Variants in RESF1 observed in about 807,000 individuals in gnomAD.
The protein encoded by RESF1 is retroelement silencing factor 1, also known as gonad expressed transcript.
RESF1 carries 65 observed loss-of-function variants against 134.7 expected under a neutral mutation model. The ratio of observed to expected loss-of-function variants is 0.48; its 90% confidence interval spans 0.40 to 0.59. The LOEUF (loss-of-function observed/expected upper bound fraction) is 0.59, where lower values mean the gene tolerates loss of function less well. RESF1 is among the 20% of genes least tolerant of loss of function. The probability of loss-of-function intolerance (pLI) is 0.00; values close to 1 mark genes in which losing one functional copy is unlikely to be tolerated. For synonymous variants in RESF1, 762 were observed against 702.2 expected, an observed-to-expected ratio of 1.09 and a Z score of -1.35; for missense variants, 2,274 against 2,002.7, an observed-to-expected ratio of 1.14 and a Z score of -2.59.
intron 1 of RESF1, 23 bp downstream of exon 1, chr12:31,959,514 G>A (rs945129777): frequency 2.6e-5 from 4 of 152,310 alleles, no homozygotes; most frequent in Admixed American, 1.3e-4. Flanking sequence ...CGAGCACCCC[G>A]AGGTCCCTCC....
At chr12:31,969,369 T>C (rs2120783876) in intron 2 of RESF1, among the ~76,000 whole-genome samples, 1 of 152,308 alleles carries the variant, frequency 6.6e-6, no homozygotes, top group East Asian at 1.9e-4. Context: ...AGCCACACGG[T>C]GGCATTCACC....
In RESF1 at chr12:31,962,115, A is replaced by C. The variant is rs568061723; in HGVS notation, c.-247+1244A>C. 1.1e-4 allele frequency among the ~76,000 whole-genome samples: 17 copies of C among 152,170 alleles called. 1 individual carries two copies. Among genetic ancestry groups the C allele is most frequent in the Middle Eastern group, 6.8e-3 (2 of 294 alleles). ...GTCGGGCGTGGTGGCACATGCCTGT[A>C]ATCCTAGCTACTCAAGTGGCTGAAC... On this transcript the variant is annotated intron_variant, in intron 2 of 5. Coordinates refer to ENST00000312561, the MANE Select transcript of RESF1 (RefSeq NM_018169.4).
At chr12:31,960,985 A>G (rs1939252359) in intron 2 of RESF1, 114 bp downstream of exon 2, 1 of 152,218 alleles carries the variant, frequency 6.6e-6, no homozygotes, top group Non-Finnish European at 1.5e-5. Context: ...GTGAATCAAC[A>G]TCGGTTTTAA....
intron 3 of RESF1, among the ~76,000 whole-genome samples, chr12:31,978,921 A>AT (rs368667477): frequency 0.32 from 41,892 of 129,050 alleles, 6,889 homozygotes; most frequent in East Asian, 0.41. Context: ...TGATCTCATG[A>AT]TTTTTTTTTT....
intron 3 of RESF1, among the ~76,000 whole-genome samples, chr12:31,977,805 T>TC (rs1490820264): frequency 8.6e-5 from 9 of 104,194 alleles, no homozygotes; most frequent in Non-Finnish European, 1.6e-4. Flanking sequence ...TTCTTTCTTT[T>TC]TTTTTTTTTT....
intron 3 of RESF1, among the ~76,000 whole-genome samples, chr12:31,974,001 AAG>A (rs1283178484): frequency 2.0e-5 from 3 of 152,194 alleles, no homozygotes; most frequent in Admixed American, 6.5e-5. Flanking sequence ...ACCTGTTACA[AAG>A]AGGGGATTGT....
intron 3 of RESF1, among the ~76,000 whole-genome samples, chr12:31,975,705 G>A (rs1309260291): frequency 6.6e-6 from 1 of 152,080 alleles, no homozygotes; most frequent in African/African-American, 2.4e-5. Flanking sequence ...GGTTTTGTCT[G>A]TGTTTCAATC....
intron 5 of RESF1, among the ~76,000 whole-genome samples, chr12:31,989,409 A>AAAAAT: frequency 2.0e-5 from 3 of 151,030 alleles, no homozygotes; most frequent in Non-Finnish European, 4.4e-5. Context: ...AAAAAAAAAA[A>AAAAAT]AAAAAATAGG....
Position 31,980,883 on chromosome 12 carries a change from T to C in RESF1, c.-73T>C. On this transcript the variant is annotated 5_prime_UTR_variant, in exon 4 of 6. Transcript: ENST00000312561. ...AATATCTTTATTTCTTACAGATTCC[T>C]GACATTCAGACAACTGACTTGTAAC... 13 of 1,111,118 alleles carry C rather than the reference T, an allele frequency of 1.2e-5. No individual in the cohort carries two copies. The highest frequency in any genetic ancestry group is 1.5e-5 in the Non-Finnish European group (12 of 774,342). The allele number at this position is 1,111,118 out of a possible 1,614,324, so 68.8% of individuals were successfully genotyped here. A position where few individuals can be genotyped will look rare whatever the true frequency, so the allele number is the denominator to read the frequency against.
At chr12:31,986,652 C>T (rs185532230) in intron 4 of RESF1, among the ~76,000 whole-genome samples, 153 of 152,268 alleles carry the variant, frequency 1.0e-3, no homozygotes, top group African/African-American at 3.4e-3. Context: ...AAATTGATAA[C>T]TAGTTGTTCA....
At chr12:31,967,244 C>G (rs1288700083) in intron 2 of RESF1, among the ~76,000 whole-genome samples, 1 of 152,204 alleles carries the variant, frequency 6.6e-6, no homozygotes, top group Non-Finnish European at 1.5e-5. Context: ...CTTTTGCTGA[C>G]TGCAGTTACA....
chr12:31,969,370 G>A (rs1286427890), intron 2 of RESF1, among the ~76,000 whole-genome samples: 3 of 152,188 alleles, frequency 2.0e-5, no homozygotes, highest in African/African-American at 4.8e-5. Context: ...GCCACACGGT[G>A]GCATTCACCT....
rs779672252 is a variant in RESF1 at position 31,984,792 on chromosome 12, T to A, written c.3837T>A (p.Phe1279Leu). 1.2e-6 allele frequency: 2 copies of A among 1,611,456 alleles called. No individual in the cohort carries two copies. The highest frequency in any genetic ancestry group is 1.1e-5 in the South Asian group (1 of 90,300). The change falls in exon 4 of 6, where the codon TTT (phenylalanine) becomes TTA (leucine). Residue 1279 changes from phenylalanine to leucine, a missense_variant. Phe to Leu is a conservative substitution (Grantham distance 22). Coordinates refer to ENST00000312561, the MANE Select transcript of RESF1 (RefSeq NM_018169.4). ...AACAAGAATTAGTTGCTGGTCAGTT[T>A]TCATCTAAATGTGATAAACTAAATC... ...RTEQELVAGQ[F>L]SSKCDKLNPL...
At chr12:31,972,681 C>G (rs1939539092) in intron 3 of RESF1, among the ~76,000 whole-genome samples, 2 of 150,990 alleles carry the variant, frequency 1.3e-5, no homozygotes, top group Admixed American at 1.3e-4. Context: ...ACACTATCTT[C>G]ATATAGATAG....
chr12:31,965,544 G>T (rs1442553008), intron 2 of RESF1, among the ~76,000 whole-genome samples: 1 of 152,148 alleles, frequency 6.6e-6, no homozygotes, highest in South Asian at 2.1e-4. Context: ...TGTGTGGTTT[G>T]TTCAGTTCTT....
At chr12:31,963,961 CTT>C (rs1424702770) in intron 2 of RESF1, among the ~76,000 whole-genome samples, 2 of 152,312 alleles carry the variant, frequency 1.3e-5, no homozygotes, top group Non-Finnish European at 1.5e-5. Context: ...CGTTTTCACT[CTT>C]TGACTACTGT....
intron 3 of RESF1, among the ~76,000 whole-genome samples, chr12:31,979,892 CA>C (rs1214958042): frequency 6.6e-6 from 1 of 151,546 alleles, no homozygotes; most frequent in African/African-American, 2.4e-5. Flanking sequence ...CAGCTCCCCC[CA>C]CCACTTTATG....
chr12:31,972,173 T>C (rs939197856), intron 3 of RESF1, among the ~76,000 whole-genome samples: 1 of 152,276 alleles, frequency 6.6e-6, no homozygotes, highest in South Asian at 2.1e-4. Flanking sequence ...TATAATAAAC[T>C]GATAAGGTGT....
rs764881171 is a variant in RESF1, at chr12:31,983,563, A to G, written c.2608A>G (p.Met870Val). Residue 870 changes from methionine (M) to valine (V), a missense_variant, in exon 4 of 6, where the codon ATG becomes GTG. Physicochemically the swap from Met to Val is conservative, Grantham distance 21. Coordinates refer to ENST00000312561, the MANE Select transcript of RESF1 (RefSeq NM_018169.4). ...NKLESAIHSP[M>V]NDQQISQESR... is the part of the protein sequence containing the mutation. ...ATTAGAGTCAGCTATCCATTCTCCT[A>G]TGAACGATCAGCAAATCTCACAGGA... The G allele has an allele frequency of 1.9e-6, 3 of 1,614,060 alleles. No individual in the cohort carries two copies. The highest frequency in any genetic ancestry group is 1.7e-5 in the Admixed American group (1 of 60,020).
Sources: allele counts gnomAD v4.1 joint callset (sites outside exome capture counted in the v4.1 genomes callset), GRCh38; gene constraint gnomAD v4.1.1; transcripts MANE v1.5; gene names NCBI Gene and HGNC (gene_info 2026-07-23, HGNC 2026-07-21).